Variants in PTPRT observed in about 807,000 individuals in gnomAD.
PTPRT encodes protein tyrosine phosphatase receptor type T.
Under a neutral mutation model 176.8 loss-of-function variants are expected in PTPRT, and 56 were observed. The observed-to-expected ratio is 0.32, with a 90% confidence interval of 0.26 to 0.40. The LOEUF is 0.40. Among genes scored for constraint, PTPRT ranks in the 10% least tolerant of loss-of-function variants. The pLI is 1.00. For missense variants in PTPRT, 1,540 were observed against 1,908.2 expected (o/e 0.81, Z 3.60); for synonymous variants, 783 against 739.0 (o/e 1.06, Z -0.96).
intron 2 of PTPRT, among the ~76,000 whole-genome samples, chr20:42,813,457 T>A: frequency 6.6e-6 from 1 of 151,848 alleles, no homozygotes; most frequent in Non-Finnish European, 1.5e-5. Context: ...CCTTCCTTGT[T>A]TCTTTTCTCT....
chr20:42,778,104 G>A (rs2077162983), intron 4 of PTPRT, among the ~76,000 whole-genome samples: 1 of 152,186 alleles, frequency 6.6e-6, no homozygotes, highest in Non-Finnish European at 1.5e-5. Context: ...AGGTTGTCAG[G>A]AGAATCCTGA....
rs2079094454 is a variant in PTPRT at position 42,885,897 on chromosome 20, C to T, written c.124G>A (p.Gly42Ser). Residue 42 changes from glycine (G) to serine (S), a missense_variant, in exon 2 of 31, where the codon GGT becomes AGT. By Grantham distance (56) the Gly-to-Ser change is moderately conservative. Transcript: ENST00000373187. ...TTGGTCCCTAGAGCCACACTATAAC[C>T]ACAGTTGCTGTAGTGCTCATCAAAG... ...CSFDEHYSNC[G>S]YSVALGTNGF... The T allele has an allele frequency of 1.2e-6, 2 of 1,610,510 alleles. No homozygotes were observed. Among genetic ancestry groups the T allele is most frequent in the East Asian group, 2.2e-5 (1 of 44,750 alleles).
intron 2 of PTPRT, among the ~76,000 whole-genome samples, chr20:42,868,190 A>C (rs1001976139): frequency 6.6e-6 from 1 of 152,232 alleles, no homozygotes; most frequent in Non-Finnish European, 1.5e-5. Context: ...TGTTTCTGGC[A>C]AAGGTTCAAA....
intron 7 of PTPRT, among the ~76,000 whole-genome samples, chr20:42,591,279 C>G (rs2073570040): frequency 6.6e-6 from 1 of 151,786 alleles, no homozygotes; most frequent in African/African-American, 2.4e-5. Context: ...AAAGAGAAGC[C>G]TTAAGCTAAG....
At chr20:42,344,432 A>G (rs921908223) in intron 11 of PTPRT, among the ~76,000 whole-genome samples, 1 of 152,202 alleles carries the variant, frequency 6.6e-6, no homozygotes, top group African/African-American at 2.4e-5. Context: ...TATGGCAGGA[A>G]GAGCATAATG....
At chr20:42,476,537 T>C (rs919359734) in intron 7 of PTPRT, among the ~76,000 whole-genome samples, 14 of 152,214 alleles carry the variant, frequency 9.2e-5, no homozygotes, top group African/African-American at 3.1e-4. Context: ...TTGGAAAATG[T>C]GCTCATGTGT....
In PTPRT at chr20:42,211,560, T is replaced by G. The variant is rs2055630244; in HGVS notation, c.2343-12172A>C. ...CACATGAAAAAATGCTCACCATCAC[T>G]GGCCATCAGAGAAATGCAAATCAAA... On this transcript the variant is annotated intron_variant, in intron 15 of 30. Coordinates refer to ENST00000373187, the MANE Select transcript of PTPRT (RefSeq NM_007050.6). 1.3e-5 allele frequency among the ~76,000 whole-genome samples: 2 copies of G among 149,482 alleles called. 1 individual carries two copies. The highest frequency in any genetic ancestry group is 4.3e-4 in the South Asian group (2 of 4,616).
chr20:42,678,212 A>T, intron 6 of PTPRT, 53 bp from the exon 7 acceptor site: 1 of 1,536,496 alleles, frequency 6.5e-7, no homozygotes, highest in Non-Finnish European at 8.9e-7. Flanking sequence ...TTTACAGAGC[A>T]GACTACAAGC....
chr20:42,828,756 T>C (rs2078038844), intron 2 of PTPRT, among the ~76,000 whole-genome samples: 1 of 152,070 alleles, frequency 6.6e-6, no homozygotes, highest in Non-Finnish European at 1.5e-5. Flanking sequence ...AGGGTGCACA[T>C]AAGTTAAGAA....
chr20:42,428,280 C>G (rs1296654100), intron 9 of PTPRT, among the ~76,000 whole-genome samples: 1 of 152,204 alleles, frequency 6.6e-6, no homozygotes, highest in Non-Finnish European at 1.5e-5. Context: ...GTTCACCCAT[C>G]AACATTGAGG....
chr20:42,572,481 T>C (rs767458995), intron 7 of PTPRT, among the ~76,000 whole-genome samples: 4 of 152,024 alleles, frequency 2.6e-5, no homozygotes, highest in Non-Finnish European at 5.9e-5. Context: ...CATGCTCTCA[T>C]TTACTCCAGG....
At chr20:42,622,453 G>T (rs1465625538) in intron 7 of PTPRT, among the ~76,000 whole-genome samples, 1 of 152,076 alleles carries the variant, frequency 6.6e-6, no homozygotes, top group Non-Finnish European at 1.5e-5. Flanking sequence ...TGTTAGCCAG[G>T]ATGGTCTCAA....
At chr20:42,112,439 A>G (rs981198957) in intron 22 of PTPRT, among the ~76,000 whole-genome samples, 1 of 152,188 alleles carries the variant, frequency 6.6e-6, no homozygotes, top group Non-Finnish European at 1.5e-5. Flanking sequence ...CTGGCTTGCC[A>G]CTTGCTCAGT....
At chr20:42,130,032 C>A (rs1288268053) in intron 18 of PTPRT, among the ~76,000 whole-genome samples, 1 of 152,170 alleles carries the variant, frequency 6.6e-6, no homozygotes, top group Non-Finnish European at 1.5e-5. Flanking sequence ...GAAACTGAGG[C>A]TCCAGAAAGC....
At chr20:42,210,745 C>T (rs1394077607) in intron 15 of PTPRT, among the ~76,000 whole-genome samples, 1 of 152,092 alleles carries the variant, frequency 6.6e-6, no homozygotes. Flanking sequence ...GATTCAATGC[C>T]ATCCCCATCA....
intron 15 of PTPRT, among the ~76,000 whole-genome samples, chr20:42,219,157 A>G (rs1478592220): frequency 6.6e-6 from 1 of 152,208 alleles, no homozygotes; most frequent in Non-Finnish European, 1.5e-5. Context: ...ACTGGGTTAG[A>G]GATGACGGGT....
intron 16 of PTPRT, among the ~76,000 whole-genome samples, chr20:42,195,561 TGA>T (rs1991180883): frequency 6.6e-6 from 1 of 152,124 alleles, no homozygotes; most frequent in South Asian, 2.1e-4. Flanking sequence ...CAAAAGATCC[TGA>T]GAGTGTTTTT....
intron 7 of PTPRT, among the ~76,000 whole-genome samples, chr20:42,599,960 C>T (rs8123995): frequency 0.15 from 23,399 of 152,004 alleles, 1,997 homozygotes; most frequent in African/African-American, 0.2. Flanking sequence ...GTTTCCTAAG[C>T]TTACTACATC....
intron 7 of PTPRT, among the ~76,000 whole-genome samples, chr20:42,661,618 G>A (rs914424384): frequency 6.6e-6 from 1 of 152,094 alleles, no homozygotes; most frequent in Admixed American, 6.5e-5. Context: ...TAATGATTAA[G>A]AAGCCCCATC....
Sources: gnomAD v4.1 joint callset for allele counts (sites outside exome capture counted in the v4.1 genomes callset) on GRCh38, gnomAD v4.1.1 for gene constraint, MANE v1.5 for transcripts, NCBI Gene and HGNC (gene_info 2026-07-23, HGNC 2026-07-21) for gene names.